Variants in SYNPR observed in about 807,000 individuals in gnomAD.
SYNPR encodes the protein synaptoporin.
Under a neutral mutation model 32.9 loss-of-function variants are expected in SYNPR, and 23 were observed. The observed-to-expected ratio is 0.70, with a 90% confidence interval of 0.50 to 0.99. The LOEUF (loss-of-function observed/expected upper bound fraction) is 0.99. Ranked by LOEUF, SYNPR falls within the 50% of genes least tolerant of loss-of-function variation. The pLI is 0.00. For synonymous variants in SYNPR, 146 were observed against 135.9 expected (o/e 1.07, Z -0.52); for missense variants, 318 against 349.3 (o/e 0.91, Z 0.71).
chr3:63,269,529 A>G (rs2086516564), intron 3 of SYNPR, among the ~76,000 whole-genome samples: 1 of 152,170 alleles, frequency 6.6e-6, no homozygotes, highest in African/African-American at 2.4e-5. Context: ...CCTAGAATTT[A>G]TGTAACAGCC....
intron 4 of SYNPR, among the ~76,000 whole-genome samples, chr3:63,591,742 TG>T (rs1699830682): frequency 1.7e-5 from 2 of 118,454 alleles, no homozygotes; most frequent in South Asian, 6.4e-4. Flanking sequence ...CACTCATAGG[TG>T]GGAATTGAAC....
intron 2 of SYNPR, among the ~76,000 whole-genome samples, chr3:63,291,828 T>TTCTC (rs140571848): frequency 4.0e-4 from 60 of 149,728 alleles, no homozygotes; most frequent in South Asian, 8.5e-4. Flanking sequence ...GTTTCTTTCT[T>TTCTC]TCTCTCTCTC....
intron 1 of SYNPR, among the ~76,000 whole-genome samples, chr3:63,231,292 G>A (rs1259512224): frequency 6.6e-6 from 1 of 151,548 alleles, no homozygotes; most frequent in Non-Finnish European, 1.5e-5. Context: ...GAATGGAAAG[G>A]CATAAATGAT....
chr3:63,262,619 C>T (rs2086448332), intron 2 of SYNPR, among the ~76,000 whole-genome samples: 1 of 152,176 alleles, frequency 6.6e-6, no homozygotes, highest in South Asian at 2.1e-4. Flanking sequence ...GGACTGAGTG[C>T]TGTGGTCCTC....
chr3:63,602,850 T>C (rs991210366), intron 4 of SYNPR, among the ~76,000 whole-genome samples: 7 of 152,162 alleles, frequency 4.6e-5, no homozygotes, highest in African/African-American at 1.7e-4. Context: ...CCATATTAAT[T>C]TTAAAATAGT....
At chr3:63,274,905 C>T (rs1452242424), upstream of SYNPR, among the ~76,000 whole-genome samples, 4 of 152,096 alleles carry the variant, frequency 2.6e-5, no homozygotes, top group African/African-American at 9.7e-5. Context: ...CGGGAAGGGC[C>T]CAAATCACCC....
At chr3:63,576,751 A>G (rs1008792745) in intron 4 of SYNPR, among the ~76,000 whole-genome samples, 9 of 151,470 alleles carry the variant, frequency 5.9e-5, no homozygotes, top group African/African-American at 2.2e-4. Context: ...AGATTGCACA[A>G]CTACACTCCA....
At chr3:63,437,115 T>C (rs1284986958) in intron 2 of SYNPR, among the ~76,000 whole-genome samples, 1 of 151,794 alleles carries the variant, frequency 6.6e-6, no homozygotes, top group African/African-American at 2.4e-5. Context: ...GACCTCAAGT[T>C]ATCTGCCCAC....
At chr3:63,408,319 G>GGAAAGAAATAAA (rs2088411924) in intron 2 of SYNPR, among the ~76,000 whole-genome samples, 1 of 16,814 alleles carries the variant, frequency 5.9e-5, no homozygotes, top group East Asian at 2.0e-3. Flanking sequence ...AAGGAAGGAA[G>GGAAAGAAATAAA]GAAAGAAAGA....
At chr3:63,564,533 T>C (rs914017181) in intron 4 of SYNPR, among the ~76,000 whole-genome samples, 5 of 152,078 alleles carry the variant, frequency 3.3e-5, no homozygotes, top group African/African-American at 1.2e-4. Context: ...CTCCTCACTC[T>C]CTGAGATAAG....
chr3:63,524,454 G>A (rs1408333594), intron 3 of SYNPR, among the ~76,000 whole-genome samples: 3 of 152,116 alleles, frequency 2.0e-5, no homozygotes, highest in Non-Finnish European at 2.9e-5. Flanking sequence ...GCAGATGGGG[G>A]TGACACAAAC....
intron 2 of SYNPR, among the ~76,000 whole-genome samples, chr3:63,404,200 T>C (rs1216231495): frequency 1.3e-5 from 2 of 152,206 alleles, no homozygotes; most frequent in African/African-American, 4.8e-5. Context: ...ATGTCAACAA[T>C]AATTATGGTG....
At chr3:63,580,280 C>T (rs17069084) in intron 4 of SYNPR, among the ~76,000 whole-genome samples, 5,858 of 152,228 alleles carry the variant, frequency 0.038, 407 homozygotes, top group African/African-American at 0.13. Context: ...GGAATGATTG[C>T]GTTCCTTTGC....
intron 2 of SYNPR, among the ~76,000 whole-genome samples, chr3:63,367,890 A>G (rs1029540870): frequency 6.6e-6 from 1 of 152,202 alleles, no homozygotes; most frequent in African/African-American, 2.4e-5. Flanking sequence ...GCAGGAAGTG[A>G]CAGTGATAAT....
At chr3:63,251,642 A>G (rs192777894) in intron 1 of SYNPR, among the ~76,000 whole-genome samples, 1 of 152,148 alleles carries the variant, frequency 6.6e-6, no homozygotes. Context: ...CAACGTAGAC[A>G]TATCAAAGAG....
At chr3:63,580,423 T>C (rs1038188472) in intron 4 of SYNPR, among the ~76,000 whole-genome samples, 1 of 152,166 alleles carries the variant, frequency 6.6e-6, no homozygotes, top group Non-Finnish European at 1.5e-5. Context: ...AATGGCAATG[T>C]AGACTTCAGA....
intron 4 of SYNPR, among the ~76,000 whole-genome samples, chr3:63,586,072 A>C (rs1412185844): frequency 6.6e-6 from 1 of 152,090 alleles, no homozygotes; most frequent in Non-Finnish European, 1.5e-5. Context: ...GTCAGACTGA[A>C]TTTAAGCTGT....
At chr3:63,233,176 A>G (rs2086178249) in intron 1 of SYNPR, among the ~76,000 whole-genome samples, 1 of 152,206 alleles carries the variant, frequency 6.6e-6, no homozygotes, top group Admixed American at 6.5e-5. Flanking sequence ...CAACCATGCT[A>G]TTTGAGAGTG....
chr3:63,333,493 C>G (rs948765160), intron 2 of SYNPR, among the ~76,000 whole-genome samples: 1 of 152,036 alleles, frequency 6.6e-6, no homozygotes, highest in African/African-American at 2.4e-5. Flanking sequence ...CACAGTTCAC[C>G]GCACCCTCAA....
Sources: gnomAD v4.1 joint callset for allele counts (sites outside exome capture counted in the v4.1 genomes callset) on GRCh38, gnomAD v4.1.1 for gene constraint, MANE v1.5 for transcripts, NCBI Gene and HGNC (gene_info 2026-07-23, HGNC 2026-07-21) for gene names.